SPIRE1: variants seen among roughly 807,000 people sequenced by gnomAD.
SPIRE1 encodes the protein protein spire homolog 1.
SPIRE1 carries 40 observed loss-of-function variants against 94.1 expected under a neutral mutation model. That is an observed-to-expected ratio of 0.43 (90% confidence interval 0.33 to 0.55). The LOEUF (loss-of-function observed/expected upper bound fraction) is 0.55. SPIRE1 is among the 20% of genes least tolerant of loss of function. SPIRE1 has a pLI of 0.06. For synonymous variants in SPIRE1, 376 were observed against 371.7 expected (o/e 1.01, Z -0.13); for missense variants, 838 against 975.2 (o/e 0.86, Z 1.87).
intron 1 of SPIRE1, among the ~76,000 whole-genome samples, chr18:12,654,528 T>C (rs1478484335): frequency 6.6e-6 from 1 of 151,034 alleles, no homozygotes; most frequent in Non-Finnish European, 1.5e-5. Context: ...GCATCTTTAG[T>C]CCCAGCTACT....
chr18:12,660,320 ATT>A (rs11433721), upstream of SPIRE1, among the ~76,000 whole-genome samples: 10 of 142,102 alleles, frequency 7.0e-5, no homozygotes, highest in Non-Finnish European at 4.6e-5. Flanking sequence ...AAAAAGATGC[ATT>A]TTTTTTTTTT....
chr18:12,627,900 G>C (rs1229732435), intron 2 of SPIRE1, among the ~76,000 whole-genome samples: 1 of 142,222 alleles, frequency 7.0e-6, no homozygotes, highest in Non-Finnish European at 1.6e-5. Context: ...TTTTTGATGG[G>C]GTTGTTTTTT....
intron 10 of SPIRE1, among the ~76,000 whole-genome samples, chr18:12,472,936 G>C (rs1015215630): frequency 6.6e-6 from 1 of 152,078 alleles, no homozygotes; most frequent in African/African-American, 2.4e-5. Flanking sequence ...GGGATTACAG[G>C]CATGCATCAC....
intron 5 of SPIRE1, among the ~76,000 whole-genome samples, chr18:12,510,555 T>C (rs1053994151): frequency 6.6e-5 from 10 of 151,984 alleles, no homozygotes; most frequent in Admixed American, 2.6e-4. Context: ...TTCTTTTTTT[T>C]TTTTTGAGAC....
intron 2 of SPIRE1, among the ~76,000 whole-genome samples, chr18:12,556,381 T>G (rs146818232): frequency 6.6e-6 from 1 of 152,166 alleles, no homozygotes; most frequent in African/African-American, 2.4e-5. Flanking sequence ...AACAGAACTG[T>G]AGGAATCATG....
chr18:12,468,909 A>G (rs1568189128), intron 10 of SPIRE1, among the ~76,000 whole-genome samples: 1 of 152,026 alleles, frequency 6.6e-6, no homozygotes, highest in African/African-American at 2.4e-5. Flanking sequence ...AAATAATAAG[A>G]AAATAATAGC....
chr18:12,565,584 A>G (rs1013411396), intron 2 of SPIRE1, among the ~76,000 whole-genome samples: 2 of 152,036 alleles, frequency 1.3e-5, no homozygotes, highest in African/African-American at 4.8e-5. Flanking sequence ...ACGTTGGTCA[A>G]GCTGGTCTTG....
chr18:12,586,849 T>C (rs1222727214), intron 2 of SPIRE1, among the ~76,000 whole-genome samples: 2 of 152,178 alleles, frequency 1.3e-5, no homozygotes, highest in Non-Finnish European at 2.9e-5. Flanking sequence ...AAAATTATAA[T>C]GTAGGTTTTT....
In SPIRE1 at chr18:12,453,237, T is replaced by C. The variant is rs182011947; in HGVS notation, c.1777-99A>G. ...CTTTACATCTATATATAGGGGAAGC[T>C]GAACAGACAAGAGGAGGAAGACAAT... On this transcript the variant is annotated intron_variant, in intron 13 of 16. Coordinates refer to ENST00000409402, the MANE Select transcript of SPIRE1 (RefSeq NM_001128626.2). 53 of 727,596 alleles carry C rather than the reference T, an allele frequency of 7.3e-5. No homozygotes were observed. In the African/African-American group the frequency reaches 8.9e-4, roughly 12 times the overall value. 45.1% of individuals were successfully genotyped at this position (727,596 alleles called of 1,614,324 possible). A position where few individuals can be genotyped will look rare whatever the true frequency, so the allele number is the denominator to read the frequency against.
chr18:12,493,694 G>A (rs1015545313), intron 7 of SPIRE1, among the ~76,000 whole-genome samples: 2 of 152,042 alleles, frequency 1.3e-5, no homozygotes, highest in Admixed American at 6.6e-5. Context: ...GGCATGAGCC[G>A]CTGCACCTGG....
At chr18:12,644,935 T>C (rs2038182100) in intron 1 of SPIRE1, among the ~76,000 whole-genome samples, 1 of 152,086 alleles carries the variant, frequency 6.6e-6, no homozygotes, top group Non-Finnish European at 1.5e-5. Flanking sequence ...ATTACTTCCA[T>C]TTTACAAATA....
chr18:12,464,094 A>AT (rs1198310410), intron 11 of SPIRE1, among the ~76,000 whole-genome samples: 1 of 152,230 alleles, frequency 6.6e-6, no homozygotes, highest in Non-Finnish European at 1.5e-5. Context: ...GCTTCAATGT[A>AT]GTGGGTGTGG....
At chr18:12,500,368 A>G (rs867449523) in intron 6 of SPIRE1, among the ~76,000 whole-genome samples, 1 of 152,244 alleles carries the variant, frequency 6.6e-6, no homozygotes, top group African/African-American at 2.4e-5. Flanking sequence ...CATATATGAC[A>G]TTGTGAATCA....
At chr18:12,525,296 AAATAATAAT>A (rs1217410668) in intron 4 of SPIRE1, among the ~76,000 whole-genome samples, 1 of 120,170 alleles carries the variant, frequency 8.3e-6, no homozygotes. Context: ...AAAAAAAAAA[AAATAATAAT>A]AATAATAATA....
chr18:12,658,124 C>CCGCCTCGCCT, upstream of SPIRE1: 2 of 954,698 alleles, frequency 2.1e-6, no homozygotes, highest in Non-Finnish European at 2.5e-6. Context: ...CCGCCCCGCC[C>CCGCCTCGCCT]CGCCCCGCCT....
chr18:12,651,635 C>A (rs1287007170), intron 1 of SPIRE1, among the ~76,000 whole-genome samples: 2 of 152,214 alleles, frequency 1.3e-5, no homozygotes, highest in Non-Finnish European at 2.9e-5. Context: ...GATCACGCCA[C>A]TGCCTCCAGC....
At chr18:12,548,561 T>G (rs1054273137) in intron 2 of SPIRE1, among the ~76,000 whole-genome samples, 1 of 152,084 alleles carries the variant, frequency 6.6e-6, no homozygotes, top group Non-Finnish European at 1.5e-5. Context: ...ATATTTTCAC[T>G]GGATTTACAG....
intron 2 of SPIRE1, among the ~76,000 whole-genome samples, chr18:12,617,713 C>T (rs1013737279): frequency 4.0e-5 from 6 of 151,630 alleles, no homozygotes; most frequent in South Asian, 2.1e-4. Context: ...CCCGGCCTCC[C>T]GGCTAATTTA....
intron 2 of SPIRE1, among the ~76,000 whole-genome samples, chr18:12,603,851 G>A (rs569065870): frequency 1.3e-5 from 2 of 152,266 alleles, no homozygotes; most frequent in Non-Finnish European, 2.9e-5. Flanking sequence ...GGGATTACAG[G>A]CATGAGCCAC....
Sources: gnomAD v4.1 joint callset for allele counts (sites outside exome capture counted in the v4.1 genomes callset) on GRCh38, gnomAD v4.1.1 for gene constraint, MANE v1.5 for transcripts, NCBI Gene and HGNC (gene_info 2026-07-23, HGNC 2026-07-21) for gene names.